Variants in ZFYVE9 observed in about 807,000 individuals in gnomAD.
ZFYVE9 encodes zinc finger FYVE domain-containing protein 9.
ZFYVE9 carries 43 observed loss-of-function variants against 126.7 expected under a neutral mutation model. That is an observed-to-expected ratio of 0.34 (90% confidence interval 0.27 to 0.44). The LOEUF is 0.44. Ranked by LOEUF, ZFYVE9 falls within the 20% of genes least tolerant of loss-of-function variation. The probability of loss-of-function intolerance (pLI) is 1.00; values close to 1 mark genes in which losing one functional copy is unlikely to be tolerated. For missense variants in ZFYVE9, 1,476 were observed against 1,697.0 expected, an observed-to-expected ratio of 0.87 and a Z score of 2.29; for synonymous variants, 521 against 597.4, an observed-to-expected ratio of 0.87 and a Z score of 1.87.
chr1:52,333,963 C>T (rs1201670334), intron 14 of ZFYVE9, among the ~76,000 whole-genome samples: 1 of 151,980 alleles, frequency 6.6e-6, no homozygotes, highest in Non-Finnish European at 1.5e-5. Flanking sequence ...CATGCTGGCA[C>T]ATGCCTGTAG....
At chr1:52,265,146 C>G (rs1265249544) in intron 5 of ZFYVE9, among the ~76,000 whole-genome samples, 1 of 152,158 alleles carries the variant, frequency 6.6e-6, no homozygotes, top group Non-Finnish European at 1.5e-5. Context: ...CAAGGAGGCC[C>G]TTAACAGGGG....
At chr1:52,177,810 C>G (rs982363029) in intron 1 of ZFYVE9, among the ~76,000 whole-genome samples, 1 of 152,062 alleles carries the variant, frequency 6.6e-6, no homozygotes, top group Non-Finnish European at 1.5e-5. Context: ...CATATGCTAT[C>G]TAATTGGGGA....
chr1:52,281,023 A>G (rs1001878474), intron 9 of ZFYVE9, among the ~76,000 whole-genome samples: 1 of 151,846 alleles, frequency 6.6e-6, no homozygotes, highest in Non-Finnish European at 1.5e-5. Flanking sequence ...GTTTGGTTTT[A>G]TTTTAGTATT....
chr1:52,291,446 G>A (rs530279655), intron 10 of ZFYVE9, among the ~76,000 whole-genome samples: 8 of 152,322 alleles, frequency 5.3e-5, no homozygotes, highest in Admixed American at 2.0e-4. Flanking sequence ...GAACACATTC[G>A]TTGTTCCATC....
chr1:52,160,115 A>G, intron 1 of ZFYVE9: 1 of 544,604 alleles, frequency 1.8e-6, no homozygotes, highest in East Asian at 3.1e-5. Context: ...CCTTGATTAT[A>G]GAGATTCATG....
intron 1 of ZFYVE9, among the ~76,000 whole-genome samples, chr1:52,152,464 A>C (rs1644366389): frequency 6.6e-6 from 1 of 152,212 alleles, no homozygotes; most frequent in Non-Finnish European, 1.5e-5. Flanking sequence ...GAAGGTGCTC[A>C]TTCTGCACGT....
chr1:52,191,410 G>C (rs1644815622), intron 1 of ZFYVE9, among the ~76,000 whole-genome samples: 1 of 152,134 alleles, frequency 6.6e-6, no homozygotes, highest in African/African-American at 2.4e-5. Context: ...AATATGCCAG[G>C]CTTTGAAGAT....
At chr1:52,176,344 C>G (rs537367331) in intron 1 of ZFYVE9, among the ~76,000 whole-genome samples, 2 of 152,170 alleles carry the variant, frequency 1.3e-5, no homozygotes, top group Non-Finnish European at 2.9e-5. Context: ...GCTGCCTGAT[C>G]GTTCCTCTGG....
At chr1:52,209,125 G>C (rs1645004770) in intron 1 of ZFYVE9, among the ~76,000 whole-genome samples, 1 of 152,102 alleles carries the variant, frequency 6.6e-6, no homozygotes, top group Non-Finnish European at 1.5e-5. Context: ...AAAAATCATG[G>C]ATCAGTTCAT....
At chr1:52,299,241 C>T (rs1338443614) in intron 12 of ZFYVE9, among the ~76,000 whole-genome samples, 1 of 151,994 alleles carries the variant, frequency 6.6e-6, no homozygotes, top group African/African-American at 2.4e-5. Flanking sequence ...CGTATAGAAA[C>T]ACTACTGATT....
Position 52,238,670 on chromosome 1 carries a change from A to G in ZFYVE9, c.1253A>G (p.Glu418Gly). The G allele has an allele frequency of 6.2e-7, 1 of 1,614,126 alleles. No homozygotes were observed. Among genetic ancestry groups the G allele is most frequent in the Non-Finnish European group, 8.5e-7 (1 of 1,179,980 alleles). Residue 418 changes from glutamate to glycine, a missense_variant, in exon 4 of 19, where the codon GAA (glutamate) becomes GGA (glycine). This residue lies in a region of ZFYVE9 where 807 missense variants were observed against 794.6 expected (regional missense o/e 1.02). Transcript: ENST00000287727. Reference protein sequence around the residue: ...NEMNDSQVNEEKEKFLQISQP... With the variant: ...NEMNDSQVNEGKEKFLQISQP... ...ATGAATGATAGCCAAGTAAACGAAG[A>G]AAAGGAAAAGTTTCTACAGATTAGT...
chr1:52,177,508 A>G (rs1644647414), intron 1 of ZFYVE9, among the ~76,000 whole-genome samples: 1 of 152,068 alleles, frequency 6.6e-6, no homozygotes, highest in Admixed American at 6.6e-5. Context: ...TGACCCATGT[A>G]CTCTCTCAAG....
At chr1:52,280,378 TA>T (rs11342176) in intron 9 of ZFYVE9, among the ~76,000 whole-genome samples, 5,797 of 140,736 alleles carry the variant, frequency 0.041, 346 homozygotes, top group African/African-American at 0.13. Context: ...AGACCCTGTT[TA>T]AAAAAAAAAA....
rs183578090 is a variant in ZFYVE9, at chr1:52,312,417, A to T, written c.3438+8492A>T. Among the ~76,000 whole-genome samples the T allele has an allele frequency of 3.3e-5, 5 of 152,302 alleles. No homozygotes were observed. The East Asian group carries it at 7.7e-4, about 24-fold the overall frequency. ...ACTTAACCCTAGGGTTCCCATAAGG[A>T]TGTGGAACATGAACCATAGCTTGAT... On this transcript the variant is annotated intron_variant, in intron 13 of 18. Coordinates refer to ENST00000287727, the MANE Select transcript of ZFYVE9 (RefSeq NM_004799.4).
At chr1:52,298,523 T>C (rs186189477) in intron 12 of ZFYVE9, among the ~76,000 whole-genome samples, 145 of 152,350 alleles carry the variant, frequency 9.5e-4, no homozygotes, top group African/African-American at 3.3e-3. Flanking sequence ...TTTTGGCCAC[T>C]ACTATGCTGT....
chr1:52,290,716 T>C (rs1289205894), intron 10 of ZFYVE9, among the ~76,000 whole-genome samples: 1 of 152,206 alleles, frequency 6.6e-6, no homozygotes. Flanking sequence ...GTAAATTTAC[T>C]TAAATCTTAC....
At position 52,237,916 on chromosome 1, in the gene ZFYVE9, C is replaced by G. The variant is rs751348948; in HGVS notation, c.499C>G (p.Gln167Glu). ...TAAAAGGACATTACAAAACGATTTACAGGATTGTAATAATTATAATAGTCA... is the reference window on the plus strand; with the variant it reads ...TAAAAGGACATTACAAAACGATTTAGAGGATTGTAATAATTATAATAGTCA... ...CDKRTLQNDLQDCNNYNSQSL... is the reference protein window; with the variant it reads ...CDKRTLQNDLEDCNNYNSQSL... The change falls in exon 4 of 19, where the codon CAG becomes GAG. Residue 167 changes from glutamine to glutamate, a missense_variant. Gln to Glu is a conservative substitution (Grantham distance 29). This residue lies in a region of ZFYVE9 where 807 missense variants were observed against 794.6 expected (regional missense o/e 1.02). Transcript: ENST00000287727. 6.2e-7 allele frequency: 1 copy of G among 1,613,964 alleles called. No individual in the cohort carries two copies. The highest frequency in any genetic ancestry group is 8.5e-7 in the Non-Finnish European group (1 of 1,179,940).
intron 1 of ZFYVE9, chr1:52,163,002 C>A: frequency 3.4e-6 from 1 of 291,990 alleles, no homozygotes; most frequent in East Asian, 7.6e-5. Context: ...ACTTAGGACC[C>A]ATTTATTCTT....
At chr1:52,155,789 T>C (rs1283095932) in intron 1 of ZFYVE9, among the ~76,000 whole-genome samples, 1 of 152,216 alleles carries the variant, frequency 6.6e-6, no homozygotes, top group Non-Finnish European at 1.5e-5. Flanking sequence ...ACTTCTAGAA[T>C]CTGAAGGAGC....
Sources: gnomAD v4.1 joint callset for allele counts (sites outside exome capture counted in the v4.1 genomes callset) on GRCh38, gnomAD v4.1.1 for gene constraint, gnomAD v4.1.1 regional missense constraint, MANE v1.5 for transcripts, NCBI Gene and HGNC (gene_info 2026-07-23, HGNC 2026-07-21) for gene names.